The following JARID2 variants were observed in gnomAD, a reference collection of about 807,000 sequenced individuals.
JARID2 encodes jumonji and AT-rich interaction domain containing 2, also known as protein Jumonji.
A neutral mutation model predicts 125.6 loss-of-function variants in JARID2; 21 were observed. That is an observed-to-expected ratio of 0.17 (90% CI 0.12 to 0.24). The LOEUF (loss-of-function observed/expected upper bound fraction) is 0.24, where lower values mean the gene tolerates loss of function less well. JARID2 is among the 10% of genes least tolerant of loss of function. JARID2 has a pLI of 1.00. For missense variants in JARID2, 1,303 were observed against 1,639.6 expected, an observed-to-expected ratio of 0.79 and a Z score of 3.55; for synonymous variants, 736 against 661.6, an observed-to-expected ratio of 1.11 and a Z score of -1.73.
rs551121969 is a variant in JARID2, at chr6:15,375,004, G to A, written c.181+752G>A. On this transcript the variant is annotated intron_variant, in intron 2 of 17. Transcript: ENST00000341776. ...TGTTTATGCTTCCTTGGGGCAAGGAGATGAGAAAGAGCAGGTTCTGTTCTT... is the reference window on the plus strand; with the variant it reads ...TGTTTATGCTTCCTTGGGGCAAGGAAATGAGAAAGAGCAGGTTCTGTTCTT... Among the ~76,000 whole-genome samples, 352 of 152,332 alleles carry A rather than the reference G, an allele frequency of 2.3e-3. 2 individuals carry two copies. The highest frequency in any genetic ancestry group is 8.2e-3 in the African/African-American group (339 of 41,578).
At chr6:15,262,636 C>A (rs1759927026) in intron 1 of JARID2, among the ~76,000 whole-genome samples, 1 of 148,872 alleles carries the variant, frequency 6.7e-6, no homozygotes, top group South Asian at 2.2e-4. Context: ...GGTCCCTGTT[C>A]AAGCAATTCT....
rs1277100012 is a variant in JARID2, at chr6:15,512,401, C to T, written c.3135+11C>T. On this transcript the variant is annotated intron_variant, in intron 14 of 17. Coordinates refer to ENST00000341776, the MANE Select transcript of JARID2 (RefSeq NM_004973.4). ...TTTGAGACCGCCAAGGTGAGCAGAG[C>T]CGGCCTCCTCCCGCTTGCTGCCCCC... The T allele has an allele frequency of 3.7e-6, 6 of 1,611,398 alleles. No homozygotes were observed. The highest frequency in any genetic ancestry group is 5.1e-6 in the Non-Finnish European group (6 of 1,177,794).
chr6:15,459,356 A>T (rs1280686897), intron 4 of JARID2, among the ~76,000 whole-genome samples: 1 of 152,230 alleles, frequency 6.6e-6, no homozygotes, highest in Non-Finnish European at 1.5e-5. Flanking sequence ...TTGATTACTT[A>T]TAATACCTAA....
chr6:15,361,892 CT>C (rs58352410), intron 1 of JARID2, among the ~76,000 whole-genome samples: 23,800 of 121,160 alleles, frequency 0.2, 2,142 homozygotes, highest in East Asian at 0.39. Flanking sequence ...TGGGAGCCCC[CT>C]TTTTTTTTTT....
chr6:15,422,571 C>G (rs1187275220), intron 3 of JARID2, among the ~76,000 whole-genome samples: 1 of 152,164 alleles, frequency 6.6e-6, no homozygotes, highest in African/African-American at 2.4e-5. Flanking sequence ...CAGGTTCTTT[C>G]CCTGCAGCAA....
intron 4 of JARID2, among the ~76,000 whole-genome samples, chr6:15,463,131 G>A (rs2127664609): frequency 6.6e-6 from 1 of 152,204 alleles, no homozygotes; most frequent in Non-Finnish European, 1.5e-5. Context: ...AAATCTGCCT[G>A]TAATTTTAAT....
At chr6:15,495,903 C>G (rs1200319967) in intron 6 of JARID2, among the ~76,000 whole-genome samples, 1 of 152,188 alleles carries the variant, frequency 6.6e-6, no homozygotes, top group Non-Finnish European at 1.5e-5. Context: ...ACTTCTGTGA[C>G]GAAGGATAGG....
At chr6:15,380,460 CTG>C (rs1202003246) in intron 2 of JARID2, among the ~76,000 whole-genome samples, 1 of 152,176 alleles carries the variant, frequency 6.6e-6, no homozygotes, top group African/African-American at 2.4e-5. Context: ...AAAATGTAGA[CTG>C]TGAATTGGTT....
chr6:15,398,269 A>T (rs1765291490), intron 2 of JARID2, among the ~76,000 whole-genome samples: 1 of 152,226 alleles, frequency 6.6e-6, no homozygotes, highest in African/African-American at 2.4e-5. Context: ...CTTTGGTTTA[A>T]GATTTATGAC....
Position 15,420,453 on chromosome 6 carries a change from T to C in JARID2, c.323+10088T>C, listed in dbSNP as rs570321325. 2.0e-5 allele frequency among the ~76,000 whole-genome samples: 3 copies of C among 152,250 alleles called. No homozygotes were observed. The South Asian group carries it at 6.2e-4, about 32-fold the overall frequency. ...GTCTTTCCATAATCTTCAGTGTCTC[T>C]AGTAATATGCTTATTCTTTGGTGTT... On this transcript the variant is annotated intron_variant, in intron 3 of 17. Transcript: ENST00000341776.
At chr6:15,370,768 A>G (rs1189486737) in intron 1 of JARID2, among the ~76,000 whole-genome samples, 1 of 152,194 alleles carries the variant, frequency 6.6e-6, no homozygotes, top group Non-Finnish European at 1.5e-5. Flanking sequence ...CATCTTGGAT[A>G]GGTTGAGTGC....
At chr6:15,253,854 A>G (rs1376755784) in intron 1 of JARID2, among the ~76,000 whole-genome samples, 1 of 152,152 alleles carries the variant, frequency 6.6e-6, no homozygotes, top group Non-Finnish European at 1.5e-5. Context: ...GTCTGAGAAA[A>G]GGGGTTTTTG....
chr6:15,431,189 G>A (rs547805758), intron 3 of JARID2, among the ~76,000 whole-genome samples: 65 of 152,266 alleles, frequency 4.3e-4, no homozygotes, highest in African/African-American at 1.5e-3. Flanking sequence ...TAATTGAACT[G>A]TGCTGGGATA....
chr6:15,514,612 C>T (rs750026335), intron 16 of JARID2, among the ~76,000 whole-genome samples: 9 of 151,834 alleles, frequency 5.9e-5, no homozygotes, highest in Admixed American at 1.3e-4. Context: ...GACACAGCCT[C>T]TCCCGGATGA....
intron 5 of JARID2, among the ~76,000 whole-genome samples, chr6:15,475,902 G>T (rs931077704): frequency 1.3e-5 from 2 of 152,214 alleles, no homozygotes; most frequent in African/African-American, 4.8e-5. Flanking sequence ...CTTGCAGGGA[G>T]AACCTGGGTG....
chr6:15,459,951 G>A (rs967931334), intron 4 of JARID2, among the ~76,000 whole-genome samples: 2 of 152,182 alleles, frequency 1.3e-5, no homozygotes, highest in African/African-American at 2.4e-5. Flanking sequence ...CTTTGGGGAG[G>A]AAATCACACT....
intron 1 of JARID2, among the ~76,000 whole-genome samples, chr6:15,281,922 CTCTG>C (rs996617140): frequency 3.3e-5 from 4 of 122,226 alleles, no homozygotes; most frequent in African/African-American, 1.3e-4. Context: ...AGGGTATGTG[CTCTG>C]TGTGTGTGTG....
At chr6:15,395,094 A>T (rs1281418465) in intron 2 of JARID2, among the ~76,000 whole-genome samples, 2 of 152,146 alleles carry the variant, frequency 1.3e-5, no homozygotes, top group African/African-American at 4.8e-5. Flanking sequence ...TGCTTCTGTT[A>T]TTGGTTTGTT....
At chr6:15,339,749 G>A (rs1367096527) in intron 1 of JARID2, among the ~76,000 whole-genome samples, 1 of 152,040 alleles carries the variant, frequency 6.6e-6, no homozygotes, top group East Asian at 1.9e-4. Context: ...TGGTCAGGCT[G>A]GTCTCGAACT....
Sources: gnomAD v4.1 joint callset for allele counts (sites outside exome capture counted in the v4.1 genomes callset) on GRCh38, gnomAD v4.1.1 for gene constraint, MANE v1.5 for transcripts, NCBI Gene and HGNC (gene_info 2026-07-23, HGNC 2026-07-21) for gene names.